PLCB1: variants seen among roughly 807,000 people sequenced by gnomAD.
PLCB1 encodes the protein 1-phosphatidylinositol 4,5-bisphosphate phosphodiesterase beta-1.
PLCB1 carries 46 observed loss-of-function variants against 161.8 expected under a neutral mutation model. That is an observed-to-expected ratio of 0.28 (90% CI 0.22 to 0.36). The LOEUF is 0.36. Ranked by LOEUF, PLCB1 falls within the 10% of genes least tolerant of loss-of-function variation. The pLI, the probability that PLCB1 is intolerant of heterozygous loss-of-function variation, is 1.00. For synonymous variants in PLCB1, 517 were observed against 503.7 expected, an observed-to-expected ratio of 1.03 and a Z score of -0.35; for missense variants, 1,016 against 1,472.5, an observed-to-expected ratio of 0.69 and a Z score of 5.07.
At chr20:8,326,789 C>G (rs1166766196) in intron 2 of PLCB1, among the ~76,000 whole-genome samples, 1 of 152,202 alleles carries the variant, frequency 6.6e-6, no homozygotes, top group Non-Finnish European at 1.5e-5. Context: ...CTTATTGGGT[C>G]TGAAACACCA....
chr20:8,374,801 G>A (rs1987022287), intron 3 of PLCB1, among the ~76,000 whole-genome samples: 1 of 152,148 alleles, frequency 6.6e-6, no homozygotes, highest in South Asian at 2.1e-4. Context: ...GGGGCTTATA[G>A]ACCATAAAGG....
At chr20:8,313,833 A>G (rs907485080) in intron 2 of PLCB1, among the ~76,000 whole-genome samples, 10 of 152,286 alleles carry the variant, frequency 6.6e-5, no homozygotes, top group Non-Finnish European at 1.5e-4. Context: ...GCCCAGCTCA[A>G]GTTTATACTT....
intron 3 of PLCB1, among the ~76,000 whole-genome samples, chr20:8,385,721 A>C (rs1198151935): frequency 6.6e-6 from 1 of 152,234 alleles, no homozygotes; most frequent in Non-Finnish European, 1.5e-5. Context: ...CCGGCTGGGT[A>C]GCACGCTCAC....
chr20:8,135,521 CA>C (rs560864354), intron 1 of PLCB1, among the ~76,000 whole-genome samples: 72 of 152,198 alleles, frequency 4.7e-4, no homozygotes, highest in African/African-American at 1.7e-3. Context: ...CAACAGACAG[CA>C]GGGGGGTAAT....
chr20:8,846,837 A>G (rs1466446229), intron 31 of PLCB1, among the ~76,000 whole-genome samples: 1 of 152,148 alleles, frequency 6.6e-6, no homozygotes, highest in Non-Finnish European at 1.5e-5. Flanking sequence ...AGTCCACTGG[A>G]GCAGAGTAGA....
chr20:8,227,331 A>G (rs772794967), intron 2 of PLCB1, among the ~76,000 whole-genome samples: 5 of 152,196 alleles, frequency 3.3e-5, no homozygotes, highest in Non-Finnish European at 7.3e-5. Flanking sequence ...TTAGCATTTC[A>G]TTAACTCCAG....
intron 31 of PLCB1, among the ~76,000 whole-genome samples, chr20:8,797,627 T>G (rs1228641396): frequency 6.6e-6 from 1 of 152,244 alleles, no homozygotes; most frequent in East Asian, 1.9e-4. Flanking sequence ...TTTCCAGATG[T>G]TCTATTTGGT....
chr20:8,192,834 G>A (rs1251983299), intron 2 of PLCB1, among the ~76,000 whole-genome samples: 1 of 151,928 alleles, frequency 6.6e-6, no homozygotes, highest in East Asian at 1.9e-4. Context: ...GCCAAATATG[G>A]AGGGGGGCTA....
intron 2 of PLCB1, among the ~76,000 whole-genome samples, chr20:8,167,583 G>C (rs957673969): frequency 6.6e-6 from 1 of 152,152 alleles, no homozygotes; most frequent in African/African-American, 2.4e-5. Context: ...CTTTCCACTA[G>C]TGATTTAGTT....
intron 26 of PLCB1, among the ~76,000 whole-genome samples, chr20:8,769,206 G>A (rs761640685): frequency 5.9e-5 from 9 of 151,998 alleles, no homozygotes; most frequent in Admixed American, 2.6e-4. Flanking sequence ...TTAACAGAGC[G>A]TTGTGTAAGA....
chr20:8,323,898 A>G (rs899764839), intron 2 of PLCB1, among the ~76,000 whole-genome samples: 39 of 152,080 alleles, frequency 2.6e-4, no homozygotes, highest in African/African-American at 8.5e-4. Flanking sequence ...ATGTATCAAC[A>G]ATTATAATAT....
intron 9 of PLCB1, among the ~76,000 whole-genome samples, chr20:8,676,952 A>G (rs1002623793): frequency 4.6e-5 from 7 of 152,228 alleles, no homozygotes; most frequent in Non-Finnish European, 4.4e-5. Flanking sequence ...ACAGAATGCT[A>G]ATTTTTTCAA....
At chr20:8,532,844 TCTTC>T (rs1003260898) in intron 3 of PLCB1, among the ~76,000 whole-genome samples, 5 of 151,924 alleles carry the variant, frequency 3.3e-5, no homozygotes, top group African/African-American at 9.7e-5. Flanking sequence ...CAATTTTTTT[TCTTC>T]CTTTTTATTT....
chr20:8,306,949 T>A (rs151200057), intron 2 of PLCB1, among the ~76,000 whole-genome samples: 2 of 152,236 alleles, frequency 1.3e-5, no homozygotes, highest in Admixed American at 1.3e-4. Flanking sequence ...CAGATACATC[T>A]TTATTTCTTC....
chr20:8,638,122 C>T (rs1988823313), intron 4 of PLCB1, among the ~76,000 whole-genome samples: 1 of 152,156 alleles, frequency 6.6e-6, no homozygotes, highest in Admixed American at 6.5e-5. Context: ...TCTCGATCTC[C>T]TGACCTCACA....
chr20:8,401,547 T>C (rs576452508), intron 3 of PLCB1, among the ~76,000 whole-genome samples: 5 of 152,332 alleles, frequency 3.3e-5, no homozygotes, highest in African/African-American at 1.2e-4. Context: ...AAGTAGTCCA[T>C]GATAACAAAC....
At chr20:8,527,321 A>G (rs537443640) in intron 3 of PLCB1, among the ~76,000 whole-genome samples, 4 of 152,258 alleles carry the variant, frequency 2.6e-5, no homozygotes, top group Admixed American at 2.6e-4. Context: ...GGTTTTCCCC[A>G]TCAATATCAA....
chr20:8,296,479 G>A (rs1017192850), intron 2 of PLCB1, among the ~76,000 whole-genome samples: 1 of 152,116 alleles, frequency 6.6e-6, no homozygotes, highest in African/African-American at 2.4e-5. Context: ...GTCTAGCTGA[G>A]GTAATAACCA....
At chr20:8,555,331 A>G (rs1407107985) in intron 3 of PLCB1, among the ~76,000 whole-genome samples, 5 of 152,006 alleles carry the variant, frequency 3.3e-5, no homozygotes, top group African/African-American at 9.7e-5. Flanking sequence ...CTTTGAAGTG[A>G]AAGAGGTGTT....
Sources: gnomAD v4.1 joint callset for allele counts (sites outside exome capture counted in the v4.1 genomes callset) on GRCh38, gnomAD v4.1.1 for gene constraint, MANE v1.5 for transcripts, NCBI Gene and HGNC (gene_info 2026-07-23, HGNC 2026-07-21) for gene names.